The following TRA2B variants were observed in gnomAD, a reference collection of about 807,000 sequenced individuals.
TRA2B encodes transformer-2 protein homolog beta.
A neutral mutation model predicts 41.7 loss-of-function variants in TRA2B; 14 were observed. That is an observed-to-expected ratio of 0.34 (90% confidence interval 0.22 to 0.53). The LOEUF (loss-of-function observed/expected upper bound fraction) is 0.53, where lower values mean the gene tolerates loss of function less well. Ranked by LOEUF, TRA2B falls within the 20% of genes least tolerant of loss-of-function variation. The pLI is 0.95. For missense variants in TRA2B, 167 were observed against 396.8 expected (o/e 0.42, Z 4.92); for synonymous variants, 130 against 128.8 (o/e 1.01, Z -0.06).
chr3:185,937,968 CA>C lies in TRA2B; in HGVS notation c.-109del. On this transcript the variant is annotated 5_prime_UTR_variant, in exon 1 of 9. Coordinates refer to ENST00000453386, the MANE Select transcript of TRA2B (RefSeq NM_004593.3). ...AGCCCCGCACGACGCGCCGGTCGCC[CA>C]GCCGCTCAGAGCCGAAATGCTCCGC... The C allele has an allele frequency of 4.3e-6, 6 of 1,387,622 alleles. No individual in the cohort carries two copies. The highest frequency in any genetic ancestry group is 6.0e-6 in the Non-Finnish European group (6 of 999,006). The allele number at this position is 1,387,622 out of a possible 1,614,324, so 86.0% of individuals were successfully genotyped here.
chr3:185,925,729 T>A, intron 2 of TRA2B, 103 bp from the exon 3 acceptor site: 1 of 1,180,082 alleles, frequency 8.5e-7, no homozygotes. Context: ...AATCCAGGAA[T>A]ATGCTAACAT....
chr3:185,929,666 C>T (rs1744076676), intron 1 of TRA2B, among the ~76,000 whole-genome samples: 1 of 152,160 alleles, frequency 6.6e-6, no homozygotes, highest in African/African-American at 2.4e-5. Flanking sequence ...CTGAGAACAG[C>T]AACCACCTTA....
At chr3:185,924,142 T>C (rs748377010) in intron 3 of TRA2B, 158 bp from the exon 4 acceptor site, 28 of 548,444 alleles carry the variant, frequency 5.1e-5, no homozygotes, top group Non-Finnish European at 7.5e-5. Flanking sequence ...CAGCAAGTAC[T>C]ACAAGTATTT....
rs1743977970 is a variant in TRA2B, at chr3:185,927,027, CTG to C, written c.37-295_37-294del. 3.3e-5 allele frequency: 9 copies of C among 275,182 alleles called. No homozygotes were observed. In the South Asian group the frequency reaches 3.9e-4, roughly 12 times the overall value. 17.0% of individuals were successfully genotyped at this position (275,182 alleles called of 1,614,324 possible). On this transcript the variant is annotated intron_variant, in intron 1 of 8. Coordinates refer to ENST00000453386, the MANE Select transcript of TRA2B (RefSeq NM_004593.3). ...AGCAGTTAAGGGAACTGTCCAAGGA[CTG>C]TGTTTCAGAATGTTACTCCATAAAG...
chr3:185,933,037 G>C (rs1208059745), intron 1 of TRA2B, among the ~76,000 whole-genome samples: 1 of 152,086 alleles, frequency 6.6e-6, no homozygotes, highest in Non-Finnish European at 1.5e-5. Flanking sequence ...TTATTTAAGG[G>C]AGTTACAGTA....
chr3:185,915,296 A>G lies in TRA2B; in HGVS notation c.*2419T>C, dbSNP rs1000239069. ...TAGCAATCTTCCAAATGAACTTTAC[A>G]TTTGGTTTTAGTAGTCTCAGCCCTA... On this transcript the variant is annotated 3_prime_UTR_variant, in exon 9 of 9. Coordinates refer to ENST00000453386, the MANE Select transcript of TRA2B (RefSeq NM_004593.3). Among the ~76,000 whole-genome samples, 5 of 152,236 alleles carry G rather than the reference A, an allele frequency of 3.3e-5. No individual in the cohort carries two copies. Among genetic ancestry groups the G allele is most frequent in the Non-Finnish European group, 7.3e-5 (5 of 68,038 alleles).
Position 185,917,643 on chromosome 3 carries a change from A to C in TRA2B, c.*72T>G. The C allele has an allele frequency of 6.4e-7, 1 of 1,554,682 alleles. No individual in the cohort carries two copies. The highest frequency in any genetic ancestry group is 1.1e-5 in the South Asian group (1 of 88,078). Reference sequence around the variant, plus strand: ...ACTAGGCACTGTTCACTTTTTAAACAAGAGACAATAAAAAATATTGCCCAC... The same window carrying C: ...ACTAGGCACTGTTCACTTTTTAAACCAGAGACAATAAAAAATATTGCCCAC... On this transcript the variant is annotated 3_prime_UTR_variant, in exon 9 of 9. Coordinates refer to ENST00000453386, the MANE Select transcript of TRA2B (RefSeq NM_004593.3).
In TRA2B at chr3:185,917,600, TAA is replaced by T. The variant is rs1399128616; in HGVS notation, c.*113_*114del. 2 of 1,131,696 alleles carry T rather than the reference TAA, an allele frequency of 1.8e-6. No homozygotes were observed. The highest frequency in any genetic ancestry group is 2.6e-6 in the Non-Finnish European group (2 of 776,468). The allele number at this position is 1,131,696 out of a possible 1,614,324, so 70.1% of individuals were successfully genotyped here. A position where few individuals can be genotyped will look rare whatever the true frequency, so the allele number is the denominator to read the frequency against. On this transcript the variant is annotated 3_prime_UTR_variant, in exon 9 of 9. Coordinates refer to ENST00000453386, the MANE Select transcript of TRA2B (RefSeq NM_004593.3). The stretch of plus-strand genomic sequence containing the variant: ...CCAAAAGTAGTCATCGTAAAAGGTG[TAA>T]AAGTCACCTAACTTCACTAGGCACT...
chr3:185,924,227 C>T (rs1743853458), intron 3 of TRA2B: 1 of 339,158 alleles, frequency 2.9e-6, no homozygotes, highest in African/African-American at 2.1e-5. Context: ...AGCACTCGTG[C>T]TGGCGAAAAG....
At chr3:185,921,264 T>C (rs563146077) in intron 5 of TRA2B, 77 bp from the exon 6 acceptor site, 2 of 1,200,410 alleles carry the variant, frequency 1.7e-6, no homozygotes, top group East Asian at 2.3e-5. Flanking sequence ...GTAGGCCTTT[T>C]CTGACACATT....
At chr3:185,935,494 A>G (rs1052309788) in intron 1 of TRA2B, 119 of 985,298 alleles carry the variant, frequency 1.2e-4, no homozygotes, top group Non-Finnish European at 1.4e-4. Flanking sequence ...GGAGGGACAC[A>G]ACAACAAACT....
chr3:185,937,054 G>T, intron 1 of TRA2B: 1 of 985,390 alleles, frequency 1.0e-6, no homozygotes, highest in African/African-American at 1.7e-5. Flanking sequence ...GTGGAAATGC[G>T]ATGTCCACAA....
At chr3:185,921,789 CA>C (rs1743748265) in intron 5 of TRA2B, among the ~76,000 whole-genome samples, 1 of 152,050 alleles carries the variant, frequency 6.6e-6, no homozygotes. Context: ...CAAAACCAAA[CA>C]ACAACAAACA....
chr3:185,929,157 A>C (rs1008475230), intron 1 of TRA2B: 1 of 152,150 alleles, frequency 6.6e-6, no homozygotes, highest in Non-Finnish European at 1.5e-5. Context: ...TAACACCTAA[A>C]CGTCTCGATC....
chr3:185,919,969 A>T (rs762959328), intron 6 of TRA2B, among the ~76,000 whole-genome samples: 7 of 152,176 alleles, frequency 4.6e-5, no homozygotes, highest in Non-Finnish European at 1.0e-4. Context: ...AATACTTACT[A>T]ACTACATTAT....
chr3:185,917,088 A>C lies in TRA2B; in HGVS notation c.*627T>G, dbSNP rs1190937165. The C allele has an allele frequency of 6.6e-6, 1 of 152,320 alleles. No homozygotes were observed. The highest frequency in any genetic ancestry group is 2.4e-5 in the African/African-American group (1 of 41,452). 9.4% of individuals were successfully genotyped at this position (152,320 alleles called of 1,614,324 possible). On this transcript the variant is annotated 3_prime_UTR_variant, in exon 9 of 9. Transcript: ENST00000453386. ...CTTCGTATTTCCTGCTATACATATT[A>C]CAGATTACATAAAAGCCGACAAATC...
chr3:185,921,184 G>A lies in TRA2B; in HGVS notation c.642C>T (p.Gly214=), dbSNP rs142140169. 594 of 1,613,894 alleles carry A rather than the reference G, an allele frequency of 3.7e-4. 3 individuals carry two copies. The African/African-American group carries it at 7.0e-3, about 19-fold the overall frequency. The change falls in exon 6 of 9, where the codon GGC becomes GGT. Residue 214 remains glycine (G), a synonymous_variant. Coordinates refer to ENST00000453386, the MANE Select transcript of TRA2B (RefSeq NM_004593.3). ...CATAGTAATCCCGACGGCGAGAGCT[G>A]CCACTATGAAGAAAAAAATATTCAG... ...PGIYMGRPTY[G]SSRRRDYYDR...
In TRA2B at chr3:185,935,753, G is replaced by A. The variant is rs115166606; in HGVS notation, c.36+2072C>T. ...TTCCCAAGCTTGCTTTGGAAGCCTA[G>A]ACACGTGTTTGATTCAGGTGTATTC... is the stretch of plus-strand genomic sequence containing the variant. On this transcript the variant is annotated intron_variant, in intron 1 of 8. Coordinates refer to ENST00000453386, the MANE Select transcript of TRA2B (RefSeq NM_004593.3). The A allele has an allele frequency of 7.1e-6, 7 of 985,390 alleles. No individual in the cohort carries two copies. In the African/African-American group the frequency reaches 8.7e-5, roughly 12 times the overall value. The allele number at this position is 985,390 out of a possible 1,614,324, so 61.0% of individuals were successfully genotyped here. A position where few individuals can be genotyped will look rare whatever the true frequency, so the allele number is the denominator to read the frequency against.
chr3:185,934,039 G>C (rs1421006486), intron 1 of TRA2B, among the ~76,000 whole-genome samples: 1 of 152,078 alleles, frequency 6.6e-6, no homozygotes, highest in Non-Finnish European at 1.5e-5. Flanking sequence ...ACTGTAATTT[G>C]CTACAGTGAA....
Sources: allele counts gnomAD v4.1 joint callset (sites outside exome capture counted in the v4.1 genomes callset), GRCh38; gene constraint gnomAD v4.1.1; transcripts MANE v1.5; gene names NCBI Gene and HGNC (gene_info 2026-07-23, HGNC 2026-07-21).